POU2AF3: variants seen among roughly 807,000 people sequenced by gnomAD.
POU2AF3 encodes cancer susceptibility candidate 13.
At chr11:111,305,331 C>T in the POU2AF3 span, among the ~76,000 whole-genome samples, 1 of 152,232 alleles carries the variant, frequency 6.6e-6, no homozygotes, top group Non-Finnish European at 1.5e-5. Flanking sequence ...GAATACAGAA[C>T]ATCCCAAGAC....
At chr11:111,303,034 A>G in the POU2AF3 span, among the ~76,000 whole-genome samples, 63 of 152,378 alleles carry the variant, frequency 4.1e-4, no homozygotes, top group Non-Finnish European at 4.1e-4. Flanking sequence ...CAAGAAATCT[A>G]TCTTAATTTG....
chr11:111,300,621 C>G, the POU2AF3 span: 5 of 1,229,002 alleles, frequency 4.1e-6, no homozygotes, highest in East Asian at 1.6e-4. Context: ...CCGGGGGAAC[C>G]GTAAGCATAA....
chr11:111,306,690 T>G, the POU2AF3 span: 2 of 1,186,324 alleles, frequency 1.7e-6, no homozygotes, highest in Non-Finnish European at 2.4e-6. Flanking sequence ...CTTTGTGAGT[T>G]TGCACCATCC....
At chr11:111,304,250 A>G in the POU2AF3 span, among the ~76,000 whole-genome samples, 2 of 152,228 alleles carry the variant, frequency 1.3e-5, no homozygotes, top group African/African-American at 2.4e-5. Context: ...CCTAAGGCTA[A>G]GTAGCCAGAT....
At chr11:111,304,675 C>T in the POU2AF3 span, among the ~76,000 whole-genome samples, 1 of 152,050 alleles carries the variant, frequency 6.6e-6, no homozygotes, top group Admixed American at 6.5e-5. Context: ...ACACCTACCG[C>T]AATTCTATGC....
chr11:111,300,137 C>T, the POU2AF3 span: 2 of 374,102 alleles, frequency 5.3e-6, no homozygotes, highest in Non-Finnish European at 9.5e-6. Context: ...TCCCCAGGTC[C>T]ATAATACCCT....
At chr11:111,307,992 G>GACATCAAAAAAATC in the POU2AF3 span, 698 of 1,359,966 alleles carry the variant, frequency 5.1e-4, 3 homozygotes, top group African/African-American at 9.2e-3. Flanking sequence ...ACTCTGCATT[G>GACATCAAAAAAATC]GTAAACCCAC....
chr11:111,304,533 T>C, the POU2AF3 span, among the ~76,000 whole-genome samples: 9 of 152,176 alleles, frequency 5.9e-5, no homozygotes, highest in Admixed American at 5.9e-4. Flanking sequence ...TAAAACATAA[T>C]ATTGGTTGTA....
the POU2AF3 span, among the ~76,000 whole-genome samples, chr11:111,305,783 A>G: frequency 6.6e-5 from 10 of 152,250 alleles, no homozygotes; most frequent in Non-Finnish European, 1.2e-4. Context: ...TGATGTTAAC[A>G]TGTTCACTGA....
At chr11:111,304,841 G>A in the POU2AF3 span, 3 of 734,538 alleles carry the variant, frequency 4.1e-6, no homozygotes, top group Non-Finnish European at 5.6e-6. Flanking sequence ...ATAGCAGAAA[G>A]AAACATAGTC....
the POU2AF3 span, chr11:111,299,647 T>TC: frequency 3.3e-6 from 4 of 1,229,450 alleles, no homozygotes; most frequent in African/African-American, 4.7e-5. Context: ...CGGACGGCTT[T>TC]CCCCAGCTCG....
chr11:111,300,418 G>A, the POU2AF3 span: 42,123 of 399,644 alleles, frequency 0.11, 2,817 homozygotes, highest in Middle Eastern at 0.19. Context: ...TGTGTTCTCC[G>A]AACTTAGAAA....
At chr11:111,307,973 C>T in the POU2AF3 span, 3 of 1,230,032 alleles carry the variant, frequency 2.4e-6, no homozygotes, top group African/African-American at 3.1e-5. Context: ...TTTTACCCCT[C>T]ATTTTCTCAC....
chr11:111,302,304 C>G, the POU2AF3 span, among the ~76,000 whole-genome samples: 1 of 152,192 alleles, frequency 6.6e-6, no homozygotes, highest in Admixed American at 6.5e-5. Context: ...AGCCTCAACC[C>G]CTTCAGTTCA....
chr11:111,299,328 G>A, the POU2AF3 span: 3 of 988,418 alleles, frequency 3.0e-6, no homozygotes, highest in Non-Finnish European at 3.6e-6. Flanking sequence ...CGCGATTCCT[G>A]GACGCACACT....
At chr11:111,301,511 ATGTGCAATG>A in the POU2AF3 span, among the ~76,000 whole-genome samples, 106,983 of 151,398 alleles carry the variant, frequency 0.71, 37,990 homozygotes, top group South Asian at 0.83. Flanking sequence ...GATGCTGTTC[ATGTGCAATG>A]TGTGACTTCA....
At chr11:111,306,526 A>G in the POU2AF3 span, 1 of 1,550,360 alleles carries the variant, frequency 6.5e-7, no homozygotes, top group Non-Finnish European at 8.7e-7. Flanking sequence ...CTTCAGACAG[A>G]GATGCACCCG....
the POU2AF3 span, among the ~76,000 whole-genome samples, chr11:111,300,944 G>A: frequency 6.6e-6 from 1 of 152,216 alleles, no homozygotes; most frequent in Non-Finnish European, 1.5e-5. Flanking sequence ...TAGGAAGACA[G>A]TGGATATATG....
chr11:111,298,827 C>CGGGGGGGCCG, the POU2AF3 span: 4 of 631,568 alleles, frequency 6.3e-6, no homozygotes, highest in Non-Finnish European at 9.0e-6. Flanking sequence ...GTACCCCAGG[C>CGGGGGGGCCG]CCCCGCCCGC....
Sources: allele counts gnomAD v4.1 joint callset (sites outside exome capture counted in the v4.1 genomes callset), GRCh38; gene constraint gnomAD v4.1.1; transcripts MANE v1.5; gene names NCBI Gene and HGNC (gene_info 2026-07-23, HGNC 2026-07-21).